GALNT10: variants seen among roughly 807,000 people sequenced by gnomAD.
The protein encoded by GALNT10 is GalNAc transferase 10.
A neutral mutation model predicts 75.0 loss-of-function variants in GALNT10; 41 were observed. That is an observed-to-expected ratio of 0.55 (90% CI 0.43 to 0.71). GALNT10 has a LOEUF of 0.71. Among genes scored for constraint, GALNT10 ranks in the 30% least tolerant of loss-of-function variants. The probability of loss-of-function intolerance (pLI) is 0.00; values close to 1 mark genes in which losing one functional copy is unlikely to be tolerated. For synonymous variants in GALNT10, 302 were observed against 313.0 expected (o/e 0.96, Z 0.37); for missense variants, 727 against 818.5 (o/e 0.89, Z 1.36).
At chr5:154,268,632 G>C (rs150188259) in intron 1 of GALNT10, among the ~76,000 whole-genome samples, 225 of 152,320 alleles carry the variant, frequency 1.5e-3, no homozygotes, top group African/African-American at 5.4e-3. Context: ...GAAGTGTGTT[G>C]GTGTGTAACT....
chr5:154,215,502 C>A (rs116765820), intron 1 of GALNT10, among the ~76,000 whole-genome samples: 4,305 of 152,130 alleles, frequency 0.028, 87 homozygotes, highest in Middle Eastern at 0.13. Context: ...AAAAACAAAA[C>A]AAAACAAAAA....
chr5:154,310,907 C>T (rs1344263183), intron 3 of GALNT10, among the ~76,000 whole-genome samples: 1 of 152,144 alleles, frequency 6.6e-6, no homozygotes, highest in Non-Finnish European at 1.5e-5. Flanking sequence ...TAAAGGTGCT[C>T]ATATACCTTA....
rs1302883123 is a variant in GALNT10, at chr5:154,298,360, A to C, written c.401+281A>C. On this transcript the variant is annotated intron_variant, in intron 3 of 11. Coordinates refer to ENST00000297107, the MANE Select transcript of GALNT10 (RefSeq NM_198321.4). This position sits in a 1 kb window ranked among gnomAD's most constrained non-coding sequence, Gnocchi z 4.1. ...AAGTTCAGACCCCAGTGTAGACGAC[A>C]AGTTGTCATGCAGTTTTTAACTTTC... Among the ~76,000 whole-genome samples, 2 of 152,028 alleles carry C rather than the reference A, an allele frequency of 1.3e-5. No homozygotes were observed. The highest frequency in any genetic ancestry group is 4.8e-5 in the African/African-American group (2 of 41,394).
At chr5:154,306,393 C>G (rs531796968) in intron 3 of GALNT10, among the ~76,000 whole-genome samples, 1 of 151,970 alleles carries the variant, frequency 6.6e-6, no homozygotes, top group East Asian at 1.9e-4. Context: ...ACTTTCCAAA[C>G]GATTAGAAAG....
At chr5:154,282,179 A>G (rs1007571491) in intron 1 of GALNT10, among the ~76,000 whole-genome samples, 3 of 152,230 alleles carry the variant, frequency 2.0e-5, no homozygotes, top group Admixed American at 1.3e-4. Context: ...TTCATCCTTT[A>G]TAAGGATGCT....
chr5:154,307,846 A>T (rs1261497765), intron 3 of GALNT10, among the ~76,000 whole-genome samples: 2 of 151,658 alleles, frequency 1.3e-5, no homozygotes, highest in Non-Finnish European at 2.9e-5. Context: ...AGAAGATCAA[A>T]GGATAAAGAG....
intron 1 of GALNT10, among the ~76,000 whole-genome samples, chr5:154,254,415 T>C (rs1753575194): frequency 1.3e-5 from 2 of 152,154 alleles, no homozygotes; most frequent in Non-Finnish European, 2.9e-5. Flanking sequence ...ATCATTCCTG[T>C]TGGCAAAGAA....
At chr5:154,398,716 G>C (rs1050391082) in intron 7 of GALNT10, among the ~76,000 whole-genome samples, 2 of 152,236 alleles carry the variant, frequency 1.3e-5, no homozygotes, top group Non-Finnish European at 2.9e-5. Flanking sequence ...CTGGGTTGCA[G>C]ATGTCCCCAT....
At chr5:154,346,945 A>G (rs77260975) in intron 4 of GALNT10, among the ~76,000 whole-genome samples, 3 of 151,942 alleles carry the variant, frequency 2.0e-5, no homozygotes, top group East Asian at 2.0e-4. Context: ...CAGAGCATCT[A>G]TCAACCTTGA....
intron 1 of GALNT10, among the ~76,000 whole-genome samples, chr5:154,269,161 A>G (rs988108123): frequency 7.0e-6 from 1 of 143,878 alleles, no homozygotes; most frequent in South Asian, 2.2e-4. Context: ...AATTTTTTGT[A>G]TTTTAGTAGA....
intron 1 of GALNT10, among the ~76,000 whole-genome samples, chr5:154,201,657 G>A (rs562538160): frequency 6.6e-6 from 1 of 152,260 alleles, no homozygotes; most frequent in African/African-American, 2.4e-5. Flanking sequence ...CAGGCCAGGC[G>A]TGGTGGCTCT....
intron 2 of GALNT10, among the ~76,000 whole-genome samples, 176 bp downstream of exon 2, chr5:154,295,094 G>GC (rs1399994418): frequency 3.3e-5 from 5 of 151,990 alleles, no homozygotes; most frequent in African/African-American, 1.2e-4. Context: ...ATTCCCAGAT[G>GC]CCCCTCTTCA....
chr5:154,222,338 G>A (rs1752994674), intron 1 of GALNT10, among the ~76,000 whole-genome samples: 1 of 151,780 alleles, frequency 6.6e-6, no homozygotes, highest in Non-Finnish European at 1.5e-5. Context: ...CCATTACATG[G>A]ATAGACTAAT....
rs1247558871 is a variant in GALNT10 at position 154,298,166 on chromosome 5, G to T, written c.401+87G>T. On this transcript the variant is annotated intron_variant, in intron 3 of 11. Transcript: ENST00000297107. The surrounding 1 kb of genome is among the most constrained non-coding windows in gnomAD (Gnocchi z 4.1). ...TTAATTAAGGAAGCAGGTACATGGA[G>T]CCCTGCTGACGGAGACACCCTCCTC... 2 of 1,233,524 alleles carry T rather than the reference G, an allele frequency of 1.6e-6. No individual in the cohort carries two copies. Among genetic ancestry groups the T allele is most frequent in the East Asian group, 2.3e-5 (1 of 42,826 alleles). 76.4% of individuals were successfully genotyped at this position (1,233,524 alleles called of 1,614,324 possible). A position where few individuals can be genotyped will look rare whatever the true frequency, so the allele number is the denominator to read the frequency against.
chr5:154,286,661 C>A (rs1004293719), intron 1 of GALNT10, among the ~76,000 whole-genome samples: 1 of 152,182 alleles, frequency 6.6e-6, no homozygotes, highest in Non-Finnish European at 1.5e-5. Context: ...CTTGGAAACA[C>A]AGGATCAGCC....
Position 154,311,577 on chromosome 5 carries a change from T to TGAGACCTGAAACCC in GALNT10, c.401+13500_401+13513dup, listed in dbSNP as rs1215039890. On this transcript the variant is annotated intron_variant, in intron 3 of 11. Coordinates refer to ENST00000297107, the MANE Select transcript of GALNT10 (RefSeq NM_198321.4). ...CATACACAGACTGAGACCTGAGACC[T>TGAGACCTGAAACCC]GAGACCTGAAACCCGTGTCTCACAG... is the stretch of plus-strand genomic sequence containing the variant. Among the ~76,000 whole-genome samples the TGAGACCTGAAACCC allele has an allele frequency of 2.0e-5, 3 of 151,948 alleles. No homozygotes were observed. In the East Asian group the frequency reaches 5.8e-4, roughly 29 times the overall value.
intron 3 of GALNT10, among the ~76,000 whole-genome samples, chr5:154,299,944 C>T (rs539884513): frequency 1.3e-5 from 2 of 152,144 alleles, no homozygotes; most frequent in South Asian, 4.1e-4. Context: ...AAGCAATCCT[C>T]CCATCTCAGC....
intron 3 of GALNT10, among the ~76,000 whole-genome samples, chr5:154,306,256 A>G (rs1192260058): frequency 1.3e-5 from 2 of 152,220 alleles, no homozygotes; most frequent in Non-Finnish European, 2.9e-5. Context: ...AACATTTACC[A>G]AGATAGATTA....
intron 2 of GALNT10, among the ~76,000 whole-genome samples, chr5:154,295,158 A>T (rs569639359): frequency 6.6e-6 from 1 of 152,300 alleles, no homozygotes; most frequent in East Asian, 1.9e-4. Context: ...TGCCTGCAAG[A>T]ATTTGCCTGC....
Sources: gnomAD v4.1 joint callset for allele counts (sites outside exome capture counted in the v4.1 genomes callset) on GRCh38, gnomAD v4.1.1 for gene constraint, Gnocchi (gnomAD v3.1) non-coding constraint, MANE v1.5 for transcripts, NCBI Gene and HGNC (gene_info 2026-07-23, HGNC 2026-07-21) for gene names.